The following LYRM4 variants were observed in gnomAD, a reference collection of about 807,000 sequenced individuals.
LYRM4 encodes the protein LYR motif containing 4.
LYRM4 carries 9 observed loss-of-function variants against 11.7 expected under a neutral mutation model. That is an observed-to-expected ratio of 0.77 (90% CI 0.46 to 1.34). LYRM4 has a LOEUF of 1.34. Among genes scored for constraint, LYRM4 ranks in the 40% most tolerant of loss-of-function variants. The pLI is 0.00. For synonymous variants in LYRM4, 42 were observed against 40.4 expected (o/e 1.04, Z -0.15); for missense variants, 133 against 112.5 (o/e 1.18, Z -0.82).
intron 2 of LYRM4, among the ~76,000 whole-genome samples, chr6:5,141,508 C>T (rs555980793): frequency 1.2e-4 from 19 of 152,198 alleles, no homozygotes; most frequent in Non-Finnish European, 2.4e-4. Context: ...ACATGTCCAC[C>T]GTAGCGGAAC....
At chr6:5,238,557 A>G (rs1763683702) in intron 1 of LYRM4, among the ~76,000 whole-genome samples, 2 of 152,208 alleles carry the variant, frequency 1.3e-5, no homozygotes, top group African/African-American at 4.8e-5. Context: ...CTTGTAAATA[A>G]CCCATAGTTT....
At chr6:5,089,468 A>G in the LYRM4 span, 3 of 152,228 alleles carry the variant, frequency 2.0e-5, no homozygotes, top group African/African-American at 7.2e-5. Context: ...TGAGGAGCCC[A>G]ATATAATGAT....
chr6:5,193,943 T>A (rs1760904743), intron 2 of LYRM4, among the ~76,000 whole-genome samples: 1 of 151,918 alleles, frequency 6.6e-6, no homozygotes, highest in Non-Finnish European at 1.5e-5. Context: ...CATGCTTAAT[T>A]TCAGCTGCTT....
the LYRM4 span, chr6:5,085,809 A>G: frequency 2.6e-6 from 4 of 1,528,932 alleles, no homozygotes; most frequent in Non-Finnish European, 3.5e-6. Context: ...AGGCGGTGGC[A>G]CTGGGCGGCG....
chr6:5,058,661 G>T, the LYRM4 span, among the ~76,000 whole-genome samples: 1 of 152,196 alleles, frequency 6.6e-6, no homozygotes, highest in Admixed American at 6.5e-5. Flanking sequence ...GGCTGTGTCT[G>T]CCTCCCCTTG....
At chr6:5,175,475 C>T (rs555989136) in intron 2 of LYRM4, among the ~76,000 whole-genome samples, 75 of 152,178 alleles carry the variant, frequency 4.9e-4, no homozygotes, top group African/African-American at 1.7e-3. Flanking sequence ...GAGTTCTAGG[C>T]CCTTATCCTT....
the LYRM4 span, chr6:5,086,205 C>G: frequency 6.5e-7 from 1 of 1,534,842 alleles, no homozygotes; most frequent in Non-Finnish European, 8.7e-7. Flanking sequence ...GCCGGGTGCT[C>G]AGCTGCCCTG....
At chr6:5,241,687 T>C (rs1763888864) in intron 1 of LYRM4, among the ~76,000 whole-genome samples, 1 of 152,206 alleles carries the variant, frequency 6.6e-6, no homozygotes, top group Non-Finnish European at 1.5e-5. Context: ...ATTTCGCTGA[T>C]GAATCTCCAG....
chr6:5,127,862 TA>T (rs1763768804), intron 2 of LYRM4, among the ~76,000 whole-genome samples: 1 of 152,232 alleles, frequency 6.6e-6, no homozygotes, highest in Non-Finnish European at 1.5e-5. Flanking sequence ...AAACCTGTGA[TA>T]AAAACAACAT....
At chr6:5,061,290 G>A in the LYRM4 span, among the ~76,000 whole-genome samples, 2 of 151,912 alleles carry the variant, frequency 1.3e-5, no homozygotes, top group African/African-American at 4.8e-5. Flanking sequence ...CTATTTTCAT[G>A]CACAAACTGT....
intron 1 of LYRM4, among the ~76,000 whole-genome samples, chr6:5,220,808 T>A (rs777481483): frequency 1.8e-4 from 27 of 152,188 alleles, no homozygotes; most frequent in Non-Finnish European, 2.9e-4. Context: ...TAAAGAGCAC[T>A]CATTGCAATA....
At chr6:5,131,935 C>T (rs984205004) in intron 2 of LYRM4, among the ~76,000 whole-genome samples, 1 of 149,964 alleles carries the variant, frequency 6.7e-6, no homozygotes. Flanking sequence ...ATTATTTTAT[C>T]CCTGACTTAC....
At position 5,223,920 on chromosome 6, in the gene LYRM4, A is replaced by AT. The variant is rs1272096746; in HGVS notation, c.87-7183dup. 5.3e-5 allele frequency among the ~76,000 whole-genome samples: 8 copies of AT among 152,278 alleles called. No individual in the cohort carries two copies. In the South Asian group the frequency reaches 1.7e-3, roughly 32 times the overall value. ...CCTAATGGTTTTCCATTATCTTGAGATAACGGTCAACTGCATCGGCATGGA... is the reference window on the plus strand; with the variant it reads ...CCTAATGGTTTTCCATTATCTTGAGATTAACGGTCAACTGCATCGGCATGGA... On this transcript the variant is annotated intron_variant, in intron 1 of 2. Coordinates refer to ENST00000330636, the MANE Select transcript of LYRM4 (RefSeq NM_020408.6).
chr6:5,259,571 G>C (rs1764864291), intron 1 of LYRM4, among the ~76,000 whole-genome samples: 1 of 151,396 alleles, frequency 6.6e-6, no homozygotes, highest in Non-Finnish European at 1.5e-5. Context: ...TCCTCTGACA[G>C]AGGTTGTACT....
chr6:5,185,399 G>A (rs1256712875), intron 2 of LYRM4, among the ~76,000 whole-genome samples: 3 of 152,186 alleles, frequency 2.0e-5, no homozygotes, highest in Admixed American at 2.0e-4. Flanking sequence ...TAGAGCATAA[G>A]CTTCTGTAGA....
chr6:5,157,579 T>C (rs1348723825), intron 2 of LYRM4, among the ~76,000 whole-genome samples: 2 of 151,612 alleles, frequency 1.3e-5, no homozygotes, highest in African/African-American at 2.4e-5. Flanking sequence ...GAAGGAATCA[T>C]GTAGGTTACT....
chr6:5,148,681 CTCT>C (rs1227907033), intron 2 of LYRM4, among the ~76,000 whole-genome samples: 66 of 142,028 alleles, frequency 4.6e-4, no homozygotes, highest in African/African-American at 1.6e-3. Flanking sequence ...CTCTCTCTCT[CTCT>C]GCTTATAGTG....
intron 2 of LYRM4, among the ~76,000 whole-genome samples, chr6:5,121,328 C>T (rs546173607): frequency 3.6e-4 from 55 of 152,262 alleles, no homozygotes; most frequent in African/African-American, 1.3e-3. Context: ...TATATGTACA[C>T]CTGTACTTTA....
chr6:5,240,966 C>T lies in LYRM4; in HGVS notation c.86+19682G>A, dbSNP rs568906277. 2.6e-5 allele frequency among the ~76,000 whole-genome samples: 4 copies of T among 152,294 alleles called. No individual in the cohort carries two copies. In the East Asian group the frequency reaches 5.8e-4, roughly 22 times the overall value. Reference sequence around the variant, plus strand: ...CAGGGAATGTACCTGCCTGAACCAACGTGGAATACGGGGAAAAACGTTGGC... The same window carrying T: ...CAGGGAATGTACCTGCCTGAACCAATGTGGAATACGGGGAAAAACGTTGGC... On this transcript the variant is annotated intron_variant, in intron 1 of 2. Coordinates refer to ENST00000330636, the MANE Select transcript of LYRM4 (RefSeq NM_020408.6).
Sources: gnomAD v4.1 joint callset for allele counts (sites outside exome capture counted in the v4.1 genomes callset) on GRCh38, gnomAD v4.1.1 for gene constraint, MANE v1.5 for transcripts, NCBI Gene and HGNC (gene_info 2026-07-23, HGNC 2026-07-21) for gene names.